MYOM2: variants seen among roughly 807,000 people sequenced by gnomAD.
MYOM2 encodes myomesin 2, also known as myomesin-2.
MYOM2 carries 254 observed loss-of-function variants against 187.6 expected under a neutral mutation model. The ratio of observed to expected loss-of-function variants is 1.35; its 90% CI spans 1.22 to 1.50. The LOEUF (loss-of-function observed/expected upper bound fraction) is 1.50. Among genes scored for constraint, MYOM2 ranks in the 40% most tolerant of loss-of-function variants. MYOM2 has a pLI of 0.00. For synonymous variants in MYOM2, 981 were observed against 753.8 expected (o/e 1.30, Z -4.94); for missense variants, 2,796 against 1,924.0 (o/e 1.45, Z -8.48).
intron 16 of MYOM2, 54 bp downstream of exon 16, chr8:2,092,574 T>C (rs1796344905): frequency 1.0e-5 from 16 of 1,577,642 alleles, no homozygotes; most frequent in East Asian, 6.7e-5. Context: ...AGCAAGACCG[T>C]TGAGGTCCCT....
At chr8:2,104,559 C>T (rs1416264246) in intron 21 of MYOM2, among the ~76,000 whole-genome samples, 1 of 151,336 alleles carries the variant, frequency 6.6e-6, no homozygotes, top group African/African-American at 2.4e-5. Flanking sequence ...GAGCCGAGAT[C>T]GCGCCACTGC....
At chr8:2,056,049 A>G (rs1204113709) in intron 3 of MYOM2, among the ~76,000 whole-genome samples, 5 of 152,192 alleles carry the variant, frequency 3.3e-5, no homozygotes, top group Non-Finnish European at 7.3e-5. Context: ...ACTACTGAGT[A>G]TTTATGAGAC....
At chr8:2,054,351 T>C (rs1818588961) in intron 3 of MYOM2, among the ~76,000 whole-genome samples, 2 of 152,176 alleles carry the variant, frequency 1.3e-5, no homozygotes, top group Admixed American at 6.5e-5. Context: ...CTGGAAGATA[T>C]GGCCCATTGG....
Position 2,129,242 on chromosome 8 carries a change from ACAG to A in MYOM2, c.3800+15_3800+17del. On this transcript the variant is annotated intron_variant, in intron 32 of 36. Transcript: ENST00000262113. ...TGAACTGGTGTCACAAGTAAGTATG[ACAG>A]CAGCCGATGGAGGCCATGCCATAGA... is the stretch of plus-strand genomic sequence containing the variant. The A allele has an allele frequency of 6.3e-7, 1 of 1,587,174 alleles. No individual in the cohort carries two copies. The highest frequency in any genetic ancestry group is 2.2e-5 in the East Asian group (1 of 44,474).
At chr8:2,078,662 C>G in intron 11 of MYOM2, 72 bp from the exon 12 acceptor site, 6 of 1,334,654 alleles carry the variant, frequency 4.5e-6, no homozygotes, top group Non-Finnish European at 6.4e-6. Flanking sequence ...TGCATATATG[C>G]ATATACCTAT....
intron 25 of MYOM2, among the ~76,000 whole-genome samples, chr8:2,112,240 G>A (rs1797091024): frequency 1.3e-5 from 2 of 152,170 alleles, no homozygotes; most frequent in African/African-American, 4.8e-5. Context: ...GAGGAGGACA[G>A]AGAAGAAAGA....
intron 15 of MYOM2, among the ~76,000 whole-genome samples, chr8:2,092,125 T>C (rs1407344833): frequency 6.6e-6 from 1 of 151,492 alleles, no homozygotes; most frequent in Non-Finnish European, 1.5e-5. Flanking sequence ...TCTCTAGGAG[T>C]TGTGTGGAGC....
chr8:2,123,165 G>GC, intron 28 of MYOM2, 87 bp from the exon 29 acceptor site: 1 of 835,368 alleles, frequency 1.2e-6, no homozygotes, highest in South Asian at 1.9e-5. Flanking sequence ...TGAGGGGGGG[G>GC]CTCTGTGATT....
intron 6 of MYOM2, among the ~76,000 whole-genome samples, chr8:2,062,666 C>T (rs1165811468): frequency 3.3e-5 from 5 of 151,952 alleles, no homozygotes; most frequent in Admixed American, 1.3e-4. Context: ...TTTAATAGAC[C>T]GTAGGCCGTC....
At position 2,115,501 on chromosome 8, in the gene MYOM2, G is replaced by C. The variant is rs138122189; in HGVS notation, c.3181-459G>C. The stretch of plus-strand genomic sequence containing the variant: ...CACCTGAAACCCCTGCACCCTGATG[G>C]ACCACAGCAGGCTGGGGCTTGTGGG... On this transcript the variant is annotated intron_variant, in intron 25 of 36. Coordinates refer to ENST00000262113, the MANE Select transcript of MYOM2 (RefSeq NM_003970.4). 8.2e-3 allele frequency among the ~76,000 whole-genome samples: 1,255 copies of C among 152,322 alleles called. 16 individuals carry two copies. Among genetic ancestry groups the C allele is most frequent in the African/African-American group, 0.028 (1,175 of 41,564 alleles).
At chr8:2,135,223 C>G (rs529897792) in intron 32 of MYOM2, among the ~76,000 whole-genome samples, 5 of 152,162 alleles carry the variant, frequency 3.3e-5, no homozygotes, top group African/African-American at 4.8e-5. Flanking sequence ...AACAAATGTG[C>G]ATACTAGAGT....
intron 32 of MYOM2, among the ~76,000 whole-genome samples, chr8:2,132,374 A>T (rs1797905334): frequency 6.6e-6 from 1 of 152,216 alleles, no homozygotes; most frequent in African/African-American, 2.4e-5. Context: ...ATGTCACTTT[A>T]AGGGAATGTT....
In MYOM2 at chr8:2,133,344, T is replaced by C. The variant is rs113503373; in HGVS notation, c.3800+4112T>C. Among the ~76,000 whole-genome samples the C allele has an allele frequency of 1.5e-4, 23 of 152,014 alleles. 1 individual carries two copies. The highest frequency in any genetic ancestry group is 1.1e-3 in the Admixed American group (17 of 15,272). ...AAAGGGGAGCAAGATCTAGGTGGAG[T>C]TGACTTGAATTTTGGACCACACTGA... On this transcript the variant is annotated intron_variant, in intron 32 of 36. Transcript: ENST00000262113.
chr8:2,053,845 C>A (rs575030484), intron 3 of MYOM2, among the ~76,000 whole-genome samples: 1 of 152,206 alleles, frequency 6.6e-6, no homozygotes, highest in African/African-American at 2.4e-5. Context: ...CAGCAGCCCC[C>A]GAGTGTTGTA....
intron 32 of MYOM2, among the ~76,000 whole-genome samples, chr8:2,130,776 G>T (rs1382601740): frequency 6.6e-6 from 1 of 152,152 alleles, no homozygotes; most frequent in African/African-American, 2.4e-5. Context: ...TTTTTTAAAG[G>T]ACTGTGATAA....
At chr8:2,100,033 TTTCCTTCC>T (rs1206158420) in intron 19 of MYOM2, among the ~76,000 whole-genome samples, 1 of 110,048 alleles carries the variant, frequency 9.1e-6, no homozygotes, top group African/African-American at 2.9e-5. Flanking sequence ...TCCTTCCTTC[TTTCCTTCC>T]TTCCTTCTTT....
chr8:2,096,773 G>A (rs1309775742), intron 18 of MYOM2, among the ~76,000 whole-genome samples: 1 of 152,134 alleles, frequency 6.6e-6, no homozygotes, highest in Non-Finnish European at 1.5e-5. Context: ...TCTCACATGT[G>A]TGCCTGAGGG....
At chr8:2,120,683 T>A (rs867448972) in intron 28 of MYOM2, among the ~76,000 whole-genome samples, 1,006 of 40,244 alleles carry the variant, frequency 0.025, 118 homozygotes, top group African/African-American at 0.071. Context: ...TATTATATTA[T>A]ATATAAATAT....
intron 26 of MYOM2, 21 bp downstream of exon 26, chr8:2,116,125 C>T: frequency 6.5e-7 from 1 of 1,529,602 alleles, no homozygotes; most frequent in East Asian, 2.4e-5. Flanking sequence ...TCGAATATTT[C>T]CACGTCCATA....
Sources: allele counts gnomAD v4.1 joint callset (sites outside exome capture counted in the v4.1 genomes callset), GRCh38; gene constraint gnomAD v4.1.1; transcripts MANE v1.5; gene names NCBI Gene and HGNC (gene_info 2026-07-23, HGNC 2026-07-21).